PDCD10: variants seen among roughly 807,000 people sequenced by gnomAD.
The protein encoded by PDCD10 is programmed cell death 10.
A neutral mutation model predicts 29.2 loss-of-function variants in PDCD10; 4 were observed. That is an observed-to-expected ratio of 0.14 (90% CI 0.07 to 0.31). PDCD10 has a LOEUF of 0.31. Among genes scored for constraint, PDCD10 ranks in the 10% least tolerant of loss-of-function variants. The probability of loss-of-function intolerance (pLI) is 1.00; values close to 1 mark genes in which losing one functional copy is unlikely to be tolerated. For synonymous variants in PDCD10, 70 were observed against 82.2 expected (o/e 0.85, Z 0.80); for missense variants, 183 against 257.9 (o/e 0.71, Z 1.99).
rs574507196 is a variant in PDCD10, at chr3:167,721,639, G to T, written c.-116-1366C>A. Among the ~76,000 whole-genome samples the T allele has an allele frequency of 4.6e-5, 7 of 152,216 alleles. No homozygotes were observed. The South Asian group carries it at 1.5e-3, about 32-fold the overall frequency. On this transcript the variant is annotated intron_variant, in intron 2 of 8. Transcript: ENST00000392750. ...AAGCTGCTTAGTATTCCACCATATCGCTACCAGTGAAAGGGAACTCAACAC... is the reference window on the plus strand; with the variant it reads ...AAGCTGCTTAGTATTCCACCATATCTCTACCAGTGAAAGGGAACTCAACAC...
chr3:167,734,593 C>G (rs995186015), intron 1 of PDCD10, 69 bp downstream of exon 1: 3 of 152,444 alleles, frequency 2.0e-5, no homozygotes, highest in South Asian at 2.1e-4. Context: ...TGGAGGCGTT[C>G]GGGCCCAAGC....
At position 167,733,638 on chromosome 3, in the gene PDCD10, A is replaced by G. The variant is rs1725050643; in HGVS notation, c.-117+576T>C. ...AATACCTTCTTTTCTAGTAATGGGC[A>G]CACTAAACTCTCCTAACGCTACATT... is the stretch of plus-strand genomic sequence containing the variant. On this transcript the variant is annotated intron_variant, in intron 2 of 8. Transcript: ENST00000392750. Among the ~76,000 whole-genome samples, 3 of 152,238 alleles carry G rather than the reference A, an allele frequency of 2.0e-5. No homozygotes were observed. The South Asian group carries it at 6.2e-4, about 31-fold the overall frequency.
rs377434449 is a variant in PDCD10, at chr3:167,723,394, A to T, written c.-116-3121T>A. ...CCAAGTCCCGGCAGCTGGGTAGCAC[A>T]TTAACAAAATTTCAACCCTCTAAGG... On this transcript the variant is annotated intron_variant, in intron 2 of 8. Coordinates refer to ENST00000392750, the MANE Select transcript of PDCD10 (RefSeq NM_007217.4). Among the ~76,000 whole-genome samples the T allele has an allele frequency of 8.5e-5, 13 of 152,280 alleles. No individual in the cohort carries two copies. The East Asian group carries it at 2.5e-3, about 29-fold the overall frequency.
chr3:167,688,528 C>T (rs1719883681), intron 6 of PDCD10, among the ~76,000 whole-genome samples: 1 of 152,134 alleles, frequency 6.6e-6, no homozygotes, highest in Non-Finnish European at 1.5e-5. Context: ...ACCATTTTTT[C>T]TGAACTTTTT....
At chr3:167,724,356 A>G (rs1723877862) in intron 2 of PDCD10, among the ~76,000 whole-genome samples, 1 of 152,190 alleles carries the variant, frequency 6.6e-6, no homozygotes, top group East Asian at 1.9e-4. Context: ...TTGGCCCTAA[A>G]TTCTTATAAT....
At chr3:167,725,126 G>C (rs1269862299) in intron 2 of PDCD10, among the ~76,000 whole-genome samples, 1 of 151,864 alleles carries the variant, frequency 6.6e-6, no homozygotes. Context: ...ATGCGGTGGT[G>C]GGCTTCTGTA....
intron 8 of PDCD10, among the ~76,000 whole-genome samples, chr3:167,685,730 C>T (rs1650727091): frequency 6.6e-6 from 1 of 152,074 alleles, no homozygotes; most frequent in South Asian, 2.1e-4. Flanking sequence ...AAATAATAAT[C>T]CCATCATGTA....
At chr3:167,719,908 T>C (rs1006532425) in intron 3 of PDCD10, among the ~76,000 whole-genome samples, 154 bp downstream of exon 3, 1 of 152,006 alleles carries the variant, frequency 6.6e-6, no homozygotes, top group Non-Finnish European at 1.5e-5. Flanking sequence ...CTTGGCTTTG[T>C]TTTCACTATT....
chr3:167,734,867 TCACTCCGGC>T lies in PDCD10; in HGVS notation c.-468_-460del, dbSNP rs778269602. 2.6e-5 allele frequency: 4 copies of T among 153,472 alleles called. No individual in the cohort carries two copies. The highest frequency in any genetic ancestry group is 1.3e-4 in the Admixed American group (2 of 15,296). 9.5% of individuals were successfully genotyped at this position (153,472 alleles called of 1,614,324 possible). ...AGCCCTCTTCAACTCCCGGATCAAT[TCACTCCGGC>T]GACGCCGGAAGGACCCAAGAGGAAC... On this transcript the variant is annotated 5_prime_UTR_variant, in exon 1 of 9. Transcript: ENST00000392750.
intron 2 of PDCD10, 150 bp downstream of exon 2, chr3:167,734,064 C>T (rs1166928328): frequency 2.0e-5 from 3 of 152,206 alleles, no homozygotes; most frequent in African/African-American, 7.2e-5. Context: ...CAACCAACGT[C>T]CCTACTCTAA....
intron 6 of PDCD10, among the ~76,000 whole-genome samples, chr3:167,689,700 A>G (rs185337033): frequency 1.7e-3 from 258 of 152,268 alleles, no homozygotes; most frequent in Middle Eastern, 3.4e-3. Flanking sequence ...TCCTCAGGTG[A>G]CTGCTGATGA....
At chr3:167,720,992 C>T (rs923096154) in intron 2 of PDCD10, among the ~76,000 whole-genome samples, 2 of 151,902 alleles carry the variant, frequency 1.3e-5, no homozygotes, top group Non-Finnish European at 2.9e-5. Context: ...GGATTAAAAT[C>T]AAGAATTCAA....
At position 167,691,378 on chromosome 3, in the gene PDCD10, T is replaced by C. The variant is rs541677321; in HGVS notation, c.396-3685A>G. The stretch of plus-strand genomic sequence containing the variant: ...ACCATTACTCTTAATTCAATTGTGC[T>C]AAATTAGTACACTCTAGAAAACAGA... On this transcript the variant is annotated intron_variant, in intron 6 of 8. Transcript: ENST00000392750. Among the ~76,000 whole-genome samples, 10 of 152,340 alleles carry C rather than the reference T, an allele frequency of 6.6e-5. 1 individual carries two copies. In the South Asian group the frequency reaches 2.1e-3, roughly 32 times the overall value.
intron 4 of PDCD10, 89 bp downstream of exon 4, chr3:167,704,753 T>G (rs956478054): frequency 1.1e-6 from 1 of 924,582 alleles, no homozygotes; most frequent in South Asian, 1.3e-5. Context: ...GGCTTTCCCT[T>G]AAAGAAAATA....
chr3:167,734,060 A>G (rs1431148521), intron 2 of PDCD10, among the ~76,000 whole-genome samples, 154 bp downstream of exon 2: 2 of 152,092 alleles, frequency 1.3e-5, no homozygotes, highest in Admixed American at 1.3e-4. Flanking sequence ...AGCACAACCA[A>G]CGTCCCTACT....
At chr3:167,706,126 C>T (rs1327405346) in intron 3 of PDCD10, among the ~76,000 whole-genome samples, 2 of 152,064 alleles carry the variant, frequency 1.3e-5, no homozygotes, top group Admixed American at 1.3e-4. Flanking sequence ...GTAAAAGTGC[C>T]CAGAAAGTTC....
chr3:167,724,169 C>T (rs1409990750), intron 2 of PDCD10, among the ~76,000 whole-genome samples: 1 of 152,122 alleles, frequency 6.6e-6, no homozygotes, highest in Non-Finnish European at 1.5e-5. Context: ...AAGTCTAGAG[C>T]CAAAGCTATT....
chr3:167,692,484 T>C (rs908302812), intron 6 of PDCD10, among the ~76,000 whole-genome samples: 6 of 152,204 alleles, frequency 3.9e-5, no homozygotes, highest in African/African-American at 1.4e-4. Flanking sequence ...TTTTGGAGCA[T>C]TTAGAATTTG....
intron 7 of PDCD10, 21 bp downstream of exon 7, chr3:167,687,594 C>T: frequency 7.0e-7 from 1 of 1,422,438 alleles, no homozygotes; most frequent in South Asian, 1.1e-5. Context: ...TGTCAACTAG[C>T]AAGGCTTCTA....
Sources: gnomAD v4.1 joint callset for allele counts (sites outside exome capture counted in the v4.1 genomes callset) on GRCh38, gnomAD v4.1.1 for gene constraint, MANE v1.5 for transcripts, NCBI Gene and HGNC (gene_info 2026-07-23, HGNC 2026-07-21) for gene names.